The following SNTG2 variants were observed in gnomAD, a reference collection of about 807,000 sequenced individuals.
SNTG2 encodes gamma-2-syntrophin.
SNTG2 carries 74 observed loss-of-function variants against 70.9 expected under a neutral mutation model. The ratio of observed to expected loss-of-function variants is 1.04; its 90% CI spans 0.86 to 1.27. The LOEUF (loss-of-function observed/expected upper bound fraction) is 1.27, where lower values mean the gene tolerates loss of function less well. Among genes scored for constraint, SNTG2 ranks in the 50% most tolerant of loss-of-function variants. SNTG2 has a pLI of 0.00. For synonymous variants in SNTG2, 278 were observed against 273.8 expected, an observed-to-expected ratio of 1.02 and a Z score of -0.15; for missense variants, 717 against 690.7, an observed-to-expected ratio of 1.04 and a Z score of -0.43.
At chr2:1,278,470 TGGAGGACA>T (rs1679360985) in intron 14 of SNTG2, among the ~76,000 whole-genome samples, 1 of 152,238 alleles carries the variant, frequency 6.6e-6, no homozygotes, top group South Asian at 2.1e-4. Context: ...CTATTGTTTA[TGGAGGACA>T]GGAGGTGCTA....
rs143314992 is a variant in SNTG2, at chr2:1,015,063, A to G, written c.72+63995A>G. On this transcript the variant is annotated intron_variant, in intron 1 of 16. Coordinates refer to ENST00000308624, the MANE Select transcript of SNTG2 (RefSeq NM_018968.4). ...GAGTGAAAACCCTTGGGTGGTGGAC[A>G]GCGCGGGGCTGAGACGCAGGCGGGA... Among the ~76,000 whole-genome samples, 144 of 152,274 alleles carry G rather than the reference A, an allele frequency of 9.5e-4. No homozygotes were observed. In the Middle Eastern group the frequency reaches 0.01, roughly 11 times the overall value.
intron 9 of SNTG2, 33 bp from the exon 10 acceptor site, chr2:1,237,855 C>T (rs1470118974): frequency 3.2e-6 from 5 of 1,576,472 alleles, no homozygotes; most frequent in South Asian, 2.3e-5. Context: ...CCCGTCGCTG[C>T]GGGGCCTCCT....
Position 1,296,417 on chromosome 2 carries a change from C to T in SNTG2, c.1285-12077C>T, listed in dbSNP as rs562512188. The stretch of plus-strand genomic sequence containing the variant: ...GGTTGCAGAATGTTCCCAAGGTGCC[C>T]CTGCCCCAGCAGCAGCCTCTGTGCT... On this transcript the variant is annotated intron_variant, in intron 14 of 16. Transcript: ENST00000308624. Among the ~76,000 whole-genome samples, 23 of 152,364 alleles carry T rather than the reference C, an allele frequency of 1.5e-4. No individual in the cohort carries two copies. In the South Asian group the frequency reaches 4.6e-3, roughly 30 times the overall value.
chr2:1,170,703 C>T (rs185426484), intron 7 of SNTG2, among the ~76,000 whole-genome samples: 67 of 152,238 alleles, frequency 4.4e-4, no homozygotes, highest in Admixed American at 5.9e-4. Context: ...TCTGTGTATA[C>T]GGACCCATGT....
intron 9 of SNTG2, among the ~76,000 whole-genome samples, chr2:1,212,403 G>T (rs2148001287): frequency 6.6e-6 from 1 of 152,304 alleles, no homozygotes; most frequent in East Asian, 1.9e-4. Flanking sequence ...CTACAGAACT[G>T]TGAGCTGGTT....
At chr2:1,347,541 C>G (rs1660357993) in intron 16 of SNTG2, among the ~76,000 whole-genome samples, 1 of 152,242 alleles carries the variant, frequency 6.6e-6, no homozygotes, top group Admixed American at 6.5e-5. Context: ...TCCTCTCTGT[C>G]ACTCTGAAGT....
rs1017482683 is a variant in SNTG2, at chr2:1,111,395, C to A, written c.325+12985C>A. On this transcript the variant is annotated intron_variant, in intron 4 of 16. Transcript: ENST00000308624. ...AGGGGAGTCAGCGTACGGCCGGGCCCCTCTTACCTTTGCAGGGTCCCTGCT... is the reference window on the plus strand; with the variant it reads ...AGGGGAGTCAGCGTACGGCCGGGCCACTCTTACCTTTGCAGGGTCCCTGCT... 2.0e-5 allele frequency among the ~76,000 whole-genome samples: 3 copies of A among 152,278 alleles called. No homozygotes were observed. In the East Asian group the frequency reaches 5.8e-4, roughly 29 times the overall value.
intron 9 of SNTG2, among the ~76,000 whole-genome samples, chr2:1,220,441 C>T (rs1196467835): frequency 1.3e-5 from 2 of 152,288 alleles, no homozygotes; most frequent in South Asian, 4.1e-4. Context: ...TGTGGTTGGA[C>T]GGCATGTCGT....
chr2:1,320,107 G>T (rs1379190663), intron 16 of SNTG2, among the ~76,000 whole-genome samples: 1 of 152,124 alleles, frequency 6.6e-6, no homozygotes, highest in African/African-American at 2.4e-5. Context: ...AATATTTCTG[G>T]AATATTCTAC....
chr2:1,287,003 G>A, intron 14 of SNTG2, among the ~76,000 whole-genome samples: 1 of 152,202 alleles, frequency 6.6e-6, no homozygotes, highest in African/African-American at 2.4e-5. Context: ...GGGCTGGTGA[G>A]ACCAGGTGTG....
chr2:1,169,154 G>A (rs1161368919), intron 7 of SNTG2, among the ~76,000 whole-genome samples: 1 of 152,174 alleles, frequency 6.6e-6, no homozygotes, highest in Non-Finnish European at 1.5e-5. Flanking sequence ...TGACCATACA[G>A]GCTCACGAAG....
At chr2:1,126,291 C>G (rs1302051018) in intron 4 of SNTG2, among the ~76,000 whole-genome samples, 2 of 152,190 alleles carry the variant, frequency 1.3e-5, no homozygotes, top group African/African-American at 4.8e-5. Flanking sequence ...TACAGGTTCA[C>G]CCACTCTGCC....
intron 1 of SNTG2, among the ~76,000 whole-genome samples, chr2:979,317 C>G (rs541003982): frequency 2.6e-5 from 4 of 152,258 alleles, no homozygotes; most frequent in Admixed American, 6.5e-5. Context: ...AGTGCTCTGC[C>G]GTGCTGGTGC....
intron 10 of SNTG2, among the ~76,000 whole-genome samples, chr2:1,238,706 C>T (rs1249683203): frequency 6.6e-6 from 1 of 152,200 alleles, no homozygotes; most frequent in Non-Finnish European, 1.5e-5. Flanking sequence ...TGGAGGCGGC[C>T]CTGGACCAGC....
intron 11 of SNTG2, among the ~76,000 whole-genome samples, chr2:1,243,983 G>A (rs1677224985): frequency 6.6e-6 from 1 of 152,188 alleles, no homozygotes; most frequent in East Asian, 1.9e-4. Flanking sequence ...CCAAGAGCGT[G>A]CCACTGCACT....
intron 12 of SNTG2, among the ~76,000 whole-genome samples, chr2:1,255,926 A>AT (rs1491544245): frequency 0.017 from 932 of 53,342 alleles, 14 homozygotes; most frequent in Admixed American, 0.048. Context: ...ATAAATATAT[A>AT]AATATATAAA....
At chr2:983,104 C>T (rs1206094432) in intron 1 of SNTG2, among the ~76,000 whole-genome samples, 2 of 146,872 alleles carry the variant, frequency 1.4e-5, no homozygotes, top group Non-Finnish European at 3.0e-5. Context: ...CAGAGGCTCT[C>T]TTCTGTAGAA....
At chr2:963,902 TTTTCTTCTTTTTG>T (rs565210032) in intron 1 of SNTG2, among the ~76,000 whole-genome samples, 125 of 152,290 alleles carry the variant, frequency 8.2e-4, no homozygotes, top group African/African-American at 2.1e-3. Context: ...TCTGTCTTCA[TTTTCTTCTTTTTG>T]TTTCTTCTTT....
chr2:1,126,036 CAA>C lies in SNTG2; in HGVS notation c.326-11585_326-11584del, dbSNP rs1558430844. Among the ~76,000 whole-genome samples the C allele has an allele frequency of 2.6e-5, 4 of 152,068 alleles. No homozygotes were observed. The East Asian group carries it at 7.7e-4, about 29-fold the overall frequency. ...TCTCTTCTAGCCATTTGAAAATAAA[CAA>C]TATATTATTGCTAACTATCATTATT... On this transcript the variant is annotated intron_variant, in intron 4 of 16. Coordinates refer to ENST00000308624, the MANE Select transcript of SNTG2 (RefSeq NM_018968.4).
Sources: allele counts gnomAD v4.1 joint callset (sites outside exome capture counted in the v4.1 genomes callset), GRCh38; gene constraint gnomAD v4.1.1; transcripts MANE v1.5; gene names NCBI Gene and HGNC (gene_info 2026-07-23, HGNC 2026-07-21).